ASIC4: variants seen among roughly 807,000 people sequenced by gnomAD.
ASIC4 encodes the protein acid-sensing ion channel 4.
A neutral mutation model predicts 53.4 loss-of-function variants in ASIC4; 28 were observed. The observed-to-expected ratio is 0.52, with a 90% CI of 0.39 to 0.72. The LOEUF is 0.72. ASIC4 is among the 30% of genes least tolerant of loss of function. The pLI, the probability that ASIC4 is intolerant of heterozygous loss-of-function variation, is 0.00. For missense variants in ASIC4, 649 were observed against 729.7 expected (o/e 0.89, Z 1.27); for synonymous variants, 289 against 301.4 (o/e 0.96, Z 0.43).
chr2:219,524,155 A>T (rs1446114834), intron 1 of ASIC4, among the ~76,000 whole-genome samples: 2 of 152,244 alleles, frequency 1.3e-5, no homozygotes, highest in African/African-American at 4.8e-5. Context: ...ATGTCTCTGC[A>T]GCCAGACAGC....
rs555094972 is a variant in ASIC4, at chr2:219,532,140, C to T, written c.855+12C>T. The T allele has an allele frequency of 1.2e-5, 20 of 1,613,982 alleles. No individual in the cohort carries two copies. The South Asian group carries it at 2.0e-4, about 16-fold the overall frequency. On this transcript the variant is annotated intron_variant, in intron 3 of 9. Coordinates refer to ENST00000358078, the MANE Select transcript of ASIC4 (RefSeq NM_018674.6). ...GCCAGGAACAGCGGGTGAGCATCTCCTGCTAGGCCCTGGATTGGGCACAGG... is the reference window on the plus strand; with the variant it reads ...GCCAGGAACAGCGGGTGAGCATCTCTTGCTAGGCCCTGGATTGGGCACAGG...
chr2:219,522,418 G>A (rs1198787694), intron 1 of ASIC4, among the ~76,000 whole-genome samples: 1 of 151,338 alleles, frequency 6.6e-6, no homozygotes, highest in Non-Finnish European at 1.5e-5. Flanking sequence ...GGTCCCCGGG[G>A]AGGGCTGGGA....
chr2:219,530,570 T>A (rs1002310348), intron 1 of ASIC4, among the ~76,000 whole-genome samples: 2 of 152,232 alleles, frequency 1.3e-5, no homozygotes, highest in African/African-American at 4.8e-5. Flanking sequence ...TCTTGATAAG[T>A]ACCTTGAGCA....
chr2:219,515,403 G>A (rs1872858), intron 1 of ASIC4, 97 bp downstream of exon 1: 853,075 of 1,406,502 alleles, frequency 0.61, 266,634 homozygotes, highest in East Asian at 0.73. Flanking sequence ...TCCTCAACAG[G>A]GCTTCCCTTC....
Position 219,514,914 on chromosome 2 carries a change from G to C in ASIC4, c.190G>C (p.Gly64Arg). Reference protein sequence around the residue: ...LGRACGPGPHGLRRTLWALAL... With the variant: ...LGRACGPGPHRLRRTLWALAL... ...CCGGGCCTGTGGCCCAGGCCCCCAC[G>C]GACTGCGCAGAACCCTGTGGGCACT... The change falls in exon 1 of 10, where the codon GGA becomes CGA. Residue 64 changes from glycine to arginine, a missense_variant. Physicochemically the swap from Gly to Arg is moderately radical, Grantham distance 125 (BLOSUM62 -2). Coordinates refer to ENST00000358078, the MANE Select transcript of ASIC4 (RefSeq NM_018674.6). 1 of 1,612,832 alleles carries C rather than the reference G, an allele frequency of 6.2e-7. No homozygotes were observed. The highest frequency in any genetic ancestry group is 8.5e-7 in the Non-Finnish European group (1 of 1,179,838).
intron 2 of ASIC4, 46 bp from the exon 3 acceptor site, chr2:219,531,955 C>G: frequency 6.2e-7 from 1 of 1,612,952 alleles, no homozygotes; most frequent in Non-Finnish European, 8.5e-7. Context: ...GGCCTGGGCC[C>G]TCTGCCTGGG....
Position 219,537,970 on chromosome 2 carries a change from G to T in ASIC4, c.1544G>T (p.Gly515Val). 6.2e-7 allele frequency: 1 copy of T among 1,612,588 alleles called. No individual in the cohort carries two copies. The highest frequency in any genetic ancestry group is 8.5e-7 in the Non-Finnish European group (1 of 1,179,488). Residue 515 changes from glycine to valine, a missense_variant, in exon 10 of 10, where the codon GGG becomes GTG. By Grantham distance (109) the Gly-to-Val change is moderately radical. Transcript: ENST00000358078. This position sits in a 1 kb window ranked among gnomAD's most constrained non-coding sequence, Gnocchi z 4.9. Reference sequence around the variant, plus strand: ...AGCCGGGGCCGAGTGGAGGGTGGGGGGGTCAGCAGTCTGCTCCCCAATCAC... The same window carrying T: ...AGCCGGGGCCGAGTGGAGGGTGGGGTGGTCAGCAGTCTGCTCCCCAATCAC... ...CPSRGRVEGG[G>V]VSSLLPNHHH...
At position 219,517,466 on chromosome 2, in the gene ASIC4, CCT is replaced by C. The variant is rs1694813895; in HGVS notation, c.582+2161_582+2162del. ...ATTCCCCTTTGGGATTTCCATTTCC[CCT>C]GTCTCCAGCCCAGCCTCCTACTCTT... On this transcript the variant is annotated intron_variant, in intron 1 of 9. Coordinates refer to ENST00000358078, the MANE Select transcript of ASIC4 (RefSeq NM_018674.6). This position sits in a 1 kb window ranked among gnomAD's most constrained non-coding sequence, Gnocchi z 4.2. Among the ~76,000 whole-genome samples, 1 of 152,046 alleles carries C rather than the reference CCT, an allele frequency of 6.6e-6. No homozygotes were observed. The highest frequency in any genetic ancestry group is 6.6e-5 in the Admixed American group (1 of 15,260).
upstream of ASIC4, among the ~76,000 whole-genome samples, chr2:219,510,460 G>C (rs1335504890): frequency 6.6e-6 from 1 of 152,086 alleles, no homozygotes; most frequent in South Asian, 2.1e-4. The surrounding 1 kb of genome is among the most constrained non-coding windows in gnomAD (Gnocchi z 5.2). Flanking sequence ...CGAGGTTGTC[G>C]GCTGCACACC....
rs1421512174 is a variant in ASIC4, at chr2:219,518,636, G to A, written c.582+3330G>A. On this transcript the variant is annotated intron_variant, in intron 1 of 9. Coordinates refer to ENST00000358078, the MANE Select transcript of ASIC4 (RefSeq NM_018674.6). The surrounding 1 kb of genome is among the most constrained non-coding windows in gnomAD (Gnocchi z 4.8). ...TCTCCCTTCCTCCCTGATTCCTGCC[G>A]CCATCTGCTACCCACACCCCCTTCC... 1.3e-5 allele frequency among the ~76,000 whole-genome samples: 2 copies of A among 149,748 alleles called. No homozygotes were observed. Among genetic ancestry groups the A allele is most frequent in the African/African-American group, 5.0e-5 (2 of 40,340 alleles).
At chr2:219,526,794 A>G (rs1694968603) in intron 1 of ASIC4, among the ~76,000 whole-genome samples, 1 of 152,104 alleles carries the variant, frequency 6.6e-6, no homozygotes, top group African/African-American at 2.4e-5. Flanking sequence ...CCTGTCTAGG[A>G]GCTGTCAGCC....
rs1159452398 is a variant in ASIC4 at position 219,535,451 on chromosome 2, GTGTGGGTGTGTATGTGTGTGGGGTGTA to G, written c.1229+140_1229+166del. On this transcript the variant is annotated intron_variant, in intron 6 of 9. Coordinates refer to ENST00000358078, the MANE Select transcript of ASIC4 (RefSeq NM_018674.6). ...TGTGTATGTGTTTGTGTGTATGTGG[GTGTGGGTGTGTATGTGTGTGGGGTGTA>G]TGTGGGTGTGTACATGCATGTGTGT... is the stretch of plus-strand genomic sequence containing the variant. 75 of 1,138,056 alleles carry G rather than the reference GTGTGGGTGTGTATGTGTGTGGGGTGTA, an allele frequency of 6.6e-5. No individual in the cohort carries two copies. In the African/African-American group the frequency reaches 1.1e-3, roughly 17 times the overall value. The allele number at this position is 1,138,056 out of a possible 1,614,324, so 70.5% of individuals were successfully genotyped here.
intron 1 of ASIC4, among the ~76,000 whole-genome samples, chr2:219,521,548 A>G (rs1441445126): frequency 6.6e-6 from 1 of 152,140 alleles, no homozygotes; most frequent in Non-Finnish European, 1.5e-5. Context: ...AGGGGCACCC[A>G]GGAAGCACTA....
At chr2:219,533,148 G>A (rs1695071966) in intron 5 of ASIC4, 2 of 613,974 alleles carry the variant, frequency 3.3e-6, no homozygotes, top group Admixed American at 5.3e-5. Context: ...AGGCAGCAGG[G>A]TGGGGGGTTG....
chr2:219,518,080 C>T lies in ASIC4; in HGVS notation c.582+2774C>T, dbSNP rs1694825561. Among the ~76,000 whole-genome samples the T allele has an allele frequency of 6.6e-6, 1 of 152,122 alleles. No homozygotes were observed. ...CTCCCTAATATCCCTTCATGCACTC[C>T]CAATCAGTCAGTCAATCAATCAACA... On this transcript the variant is annotated intron_variant, in intron 1 of 9. Coordinates refer to ENST00000358078, the MANE Select transcript of ASIC4 (RefSeq NM_018674.6). The surrounding 1 kb of genome is among the most constrained non-coding windows in gnomAD (Gnocchi z 4.8).
intron 1 of ASIC4, among the ~76,000 whole-genome samples, chr2:219,526,780 T>G (rs1238073512): frequency 6.6e-6 from 1 of 152,098 alleles, no homozygotes; most frequent in Non-Finnish European, 1.5e-5. Context: ...AGCACAGACA[T>G]AGTCCTGTCT....
At chr2:219,525,397 TCA>T (rs1410876563) in intron 1 of ASIC4, among the ~76,000 whole-genome samples, 1 of 152,204 alleles carries the variant, frequency 6.6e-6, no homozygotes, top group Non-Finnish European at 1.5e-5. Context: ...CTAACCTAAG[TCA>T]CACAGGCTAT....
upstream of ASIC4, among the ~76,000 whole-genome samples, chr2:219,511,482 G>A (rs1022126517): frequency 6.6e-6 from 1 of 152,052 alleles, no homozygotes; most frequent in Non-Finnish European, 1.5e-5. The surrounding 1 kb of genome is among the most constrained non-coding windows in gnomAD (Gnocchi z 5.3). Context: ...CCCCTGGGGG[G>A]CGGAGGCAGG....
At chr2:219,510,827 G>A (rs1356833189), upstream of ASIC4, among the ~76,000 whole-genome samples, 7 of 152,144 alleles carry the variant, frequency 4.6e-5, no homozygotes, top group South Asian at 2.1e-4. This position sits in a 1 kb window ranked among gnomAD's most constrained non-coding sequence, Gnocchi z 5.2. Flanking sequence ...CTCAGATCAC[G>A]TTCGGGACTC....
Sources: gnomAD v4.1 joint callset for allele counts (sites outside exome capture counted in the v4.1 genomes callset) on GRCh38, gnomAD v4.1.1 for gene constraint, Gnocchi (gnomAD v3.1) non-coding constraint, MANE v1.5 for transcripts, NCBI Gene and HGNC (gene_info 2026-07-23, HGNC 2026-07-21) for gene names.